The following GNAO1 variants were observed in gnomAD, a reference collection of about 807,000 sequenced individuals.
GNAO1 encodes guanine nucleotide-binding protein G(o) subunit alpha.
For synonymous variants in GNAO1, 164 were observed against 180.7 expected (o/e 0.91, Z 0.74); for missense variants, 166 against 478.7 (o/e 0.35, Z 6.10).
At chr16:56,286,441 T>TG (rs1256395413) in intron 3 of GNAO1, among the ~76,000 whole-genome samples, 1 of 151,410 alleles carries the variant, frequency 6.6e-6, no homozygotes, top group Non-Finnish European at 1.5e-5. Context: ...ATGTGGGGAG[T>TG]GGGGGCTTGA....
intron 6 of GNAO1, among the ~76,000 whole-genome samples, chr16:56,349,254 G>A (rs2037900356): frequency 6.6e-6 from 1 of 152,242 alleles, no homozygotes; most frequent in African/African-American, 2.4e-5. Context: ...TCCTGGCAGT[G>A]CCTGGGAAGA....
intron 6 of GNAO1, among the ~76,000 whole-genome samples, chr16:56,350,377 T>C (rs1280198802): frequency 2.0e-5 from 3 of 152,088 alleles, no homozygotes; most frequent in Non-Finnish European, 4.4e-5. Flanking sequence ...AACTGTCCCT[T>C]CCTCCCACTC....
At chr16:56,346,024 A>C in intron 6 of GNAO1, 1 of 985,148 alleles carries the variant, frequency 1.0e-6, no homozygotes, top group Non-Finnish European at 1.2e-6. Flanking sequence ...TGTCCCTAGA[A>C]CTGGGGCTGG....
intron 3 of GNAO1, among the ~76,000 whole-genome samples, chr16:56,300,464 C>T (rs745693537): frequency 6.6e-6 from 1 of 152,226 alleles, no homozygotes; most frequent in Non-Finnish European, 1.5e-5. Flanking sequence ...GCTCCAGGCA[C>T]TGTCTTAAGT....
intron 2 of GNAO1, among the ~76,000 whole-genome samples, chr16:56,195,097 A>T: frequency 7.5e-6 from 1 of 133,000 alleles, no homozygotes. Flanking sequence ...TTTTTTTCCA[A>T]CCTTACAGGA....
intron 2 of GNAO1, among the ~76,000 whole-genome samples, chr16:56,269,525 C>A (rs2036993956): frequency 6.6e-6 from 1 of 152,194 alleles, no homozygotes; most frequent in African/African-American, 2.4e-5. Context: ...TTGATCCTAA[C>A]CATGAACCAG....
chr16:56,260,578 C>G (rs1884986591), intron 2 of GNAO1, among the ~76,000 whole-genome samples: 1 of 152,176 alleles, frequency 6.6e-6, no homozygotes, highest in Non-Finnish European at 1.5e-5. Context: ...GGGCTCTCCA[C>G]AGGGTCTGCC....
chr16:56,318,387 G>A (rs1191390524), intron 3 of GNAO1, among the ~76,000 whole-genome samples: 2 of 152,250 alleles, frequency 1.3e-5, no homozygotes, highest in Admixed American at 1.3e-4. Flanking sequence ...CAAGTCGGCA[G>A]CCCAAGGAAG....
intron 2 of GNAO1, among the ~76,000 whole-genome samples, chr16:56,259,069 T>C (rs2036879621): frequency 6.6e-6 from 1 of 152,168 alleles, no homozygotes; most frequent in Non-Finnish European, 1.5e-5. Flanking sequence ...GGACATTTTG[T>C]GATCAGTGGG....
chr16:56,237,076 C>G (rs1222371540), intron 2 of GNAO1, among the ~76,000 whole-genome samples: 1 of 152,210 alleles, frequency 6.6e-6, no homozygotes, highest in Non-Finnish European at 1.5e-5. Context: ...ACATGAAGTA[C>G]TTAGCACATT....
intron 2 of GNAO1, among the ~76,000 whole-genome samples, chr16:56,202,944 C>G (rs1056155497): frequency 6.6e-6 from 1 of 152,172 alleles, no homozygotes; most frequent in African/African-American, 2.4e-5. Context: ...CACAAACAAT[C>G]GGACGCAGTA....
chr16:56,221,548 G>T (rs964725873), intron 2 of GNAO1, among the ~76,000 whole-genome samples: 2 of 151,700 alleles, frequency 1.3e-5, no homozygotes, highest in Non-Finnish European at 2.9e-5. Flanking sequence ...TACTCAGGAG[G>T]CTGAGGCAGG....
At chr16:56,292,519 A>G (rs2037242049) in intron 3 of GNAO1, among the ~76,000 whole-genome samples, 1 of 151,956 alleles carries the variant, frequency 6.6e-6, no homozygotes, top group Non-Finnish European at 1.5e-5. Flanking sequence ...ATATCACCAT[A>G]CCCAGCTAAT....
intron 2 of GNAO1, among the ~76,000 whole-genome samples, chr16:56,207,336 G>GT (rs2036339619): frequency 6.6e-6 from 1 of 152,254 alleles, no homozygotes; most frequent in South Asian, 2.1e-4. Context: ...CAGATACACT[G>GT]TGAGGAGTAA....
intron 2 of GNAO1, among the ~76,000 whole-genome samples, chr16:56,275,542 C>A (rs1232535825): frequency 6.6e-6 from 1 of 152,174 alleles, no homozygotes; most frequent in Non-Finnish European, 1.5e-5. Flanking sequence ...AGACTTTTTA[C>A]AGGGATTTTC....
intron 2 of GNAO1, among the ~76,000 whole-genome samples, chr16:56,270,070 C>T (rs556494186): frequency 7.9e-5 from 12 of 152,228 alleles, no homozygotes; most frequent in Admixed American, 2.0e-4. Flanking sequence ...AATGGAGGTG[C>T]GGGGAGAACC....
intron 2 of GNAO1, among the ~76,000 whole-genome samples, chr16:56,207,105 C>G (rs1439929451): frequency 6.6e-6 from 1 of 152,236 alleles, no homozygotes; most frequent in Non-Finnish European, 1.5e-5. Context: ...AGCCTTACAA[C>G]ATCAGGCTGC....
Position 56,346,555 on chromosome 16 carries a change from G to T in GNAO1, c.724-4829G>T, listed in dbSNP as rs112340240. ...GCCTTCCCTCTGAGCACTGATAGAGGTCCCCAAGGCTCTCTGGCCTGAGGA... is the reference window on the plus strand; with the variant it reads ...GCCTTCCCTCTGAGCACTGATAGAGTTCCCCAAGGCTCTCTGGCCTGAGGA... On this transcript the variant is annotated intron_variant, in intron 6 of 8. Coordinates refer to ENST00000262493, the MANE Select transcript of GNAO1 (RefSeq NM_020988.3). 2,600 of 985,374 alleles carry T rather than the reference G, an allele frequency of 2.6e-3. 8 individuals carry two copies. The highest frequency in any genetic ancestry group is 2.9e-3 in the Non-Finnish European group (2,383 of 829,914). 61.0% of individuals were successfully genotyped at this position (985,374 alleles called of 1,614,324 possible).
At chr16:56,345,104 C>T (rs1237376093) in intron 6 of GNAO1, 1 of 985,484 alleles carries the variant, frequency 1.0e-6, no homozygotes. Flanking sequence ...TTAGAGGAGG[C>T]TTCACTGCGG....
Sources: allele counts gnomAD v4.1 joint callset (sites outside exome capture counted in the v4.1 genomes callset), GRCh38; gene constraint gnomAD v4.1.1; transcripts MANE v1.5; gene names NCBI Gene and HGNC (gene_info 2026-07-23, HGNC 2026-07-21).